The following GPC6 variants were observed in gnomAD, a reference collection of about 807,000 sequenced individuals.
GPC6 encodes glypican-6.
Under a neutral mutation model 55.2 loss-of-function variants are expected in GPC6, and 14 were observed. The ratio of observed to expected loss-of-function variants is 0.25; its 90% CI spans 0.17 to 0.40. GPC6 has a LOEUF of 0.40. GPC6 is among the 10% of genes least tolerant of loss of function. GPC6 has a pLI of 1.00. For synonymous variants in GPC6, 278 were observed against 259.6 expected, an observed-to-expected ratio of 1.07 and a Z score of -0.68; for missense variants, 641 against 708.5, an observed-to-expected ratio of 0.90 and a Z score of 1.08.
At chr13:93,661,812 A>G (rs1490143284) in intron 2 of GPC6, among the ~76,000 whole-genome samples, 1 of 152,178 alleles carries the variant, frequency 6.6e-6, no homozygotes, top group Non-Finnish European at 1.5e-5. Flanking sequence ...CACTTTATAC[A>G]GGCATATAAG....
At position 93,725,492 on chromosome 13, in the gene GPC6, T is replaced by C. The variant is rs545301667; in HGVS notation, c.320-104662T>C. Reference sequence around the variant, plus strand: ...CTTTCTAACCTGCTAAATCTAGTTATTTAGATTATAGAGCTTGAAATAAAA... The same window carrying C: ...CTTTCTAACCTGCTAAATCTAGTTACTTAGATTATAGAGCTTGAAATAAAA... On this transcript the variant is annotated intron_variant, in intron 2 of 8. Transcript: ENST00000377047. Among the ~76,000 whole-genome samples the C allele has an allele frequency of 6.6e-5, 10 of 152,126 alleles. No homozygotes were observed. The South Asian group carries it at 2.1e-3, about 32-fold the overall frequency.
chr13:93,759,646 A>G (rs1218933526), intron 2 of GPC6, among the ~76,000 whole-genome samples: 1 of 152,162 alleles, frequency 6.6e-6, no homozygotes, highest in Non-Finnish European at 1.5e-5. Context: ...GAAAATCCTG[A>G]TTTGATGTGA....
At chr13:93,366,413 T>C (rs1478010413) in intron 1 of GPC6, among the ~76,000 whole-genome samples, 1 of 152,068 alleles carries the variant, frequency 6.6e-6, no homozygotes, top group Non-Finnish European at 1.5e-5. Context: ...TATTAGTTAA[T>C]TAAATGTGTG....
chr13:93,836,386 T>G (rs1467354682), intron 3 of GPC6, among the ~76,000 whole-genome samples: 1 of 152,210 alleles, frequency 6.6e-6, no homozygotes, highest in African/African-American at 2.4e-5. Context: ...CCTGTTGTCA[T>G]TATCACCTGA....
chr13:93,578,794 T>G (rs1314310586), intron 2 of GPC6, among the ~76,000 whole-genome samples: 1 of 152,040 alleles, frequency 6.6e-6, no homozygotes, highest in Non-Finnish European at 1.5e-5. Context: ...ATTTGAAATC[T>G]TTCTACTTTT....
intron 2 of GPC6, among the ~76,000 whole-genome samples, chr13:93,670,493 T>A (rs1450960313): frequency 3.3e-5 from 5 of 152,292 alleles, no homozygotes; most frequent in Middle Eastern, 3.4e-3. Context: ...CAGACAGTTA[T>A]CTCTATGATT....
At chr13:93,369,542 T>G (rs1881377619) in intron 1 of GPC6, among the ~76,000 whole-genome samples, 1 of 152,116 alleles carries the variant, frequency 6.6e-6, no homozygotes, top group African/African-American at 2.4e-5. Flanking sequence ...TAGTCTATTA[T>G]TTTTATTACA....
intron 2 of GPC6, among the ~76,000 whole-genome samples, chr13:93,604,194 A>C (rs1878141674): frequency 6.6e-6 from 1 of 152,196 alleles, no homozygotes; most frequent in South Asian, 2.1e-4. Flanking sequence ...GATTGAAAGG[A>C]CTCAGCTGTT....
intron 3 of GPC6, among the ~76,000 whole-genome samples, chr13:93,920,880 C>G (rs1459790368): frequency 1.3e-5 from 2 of 152,156 alleles, no homozygotes; most frequent in Non-Finnish European, 2.9e-5. Context: ...CCTAACAAAG[C>G]AGAAATTCTT....
chr13:94,306,011 C>G lies in GPC6; in HGVS notation c.1040C>G (p.Ala347Gly). 3 of 1,614,124 alleles carry G rather than the reference C, an allele frequency of 1.9e-6. No individual in the cohort carries two copies. Among genetic ancestry groups the G allele is most frequent in the Non-Finnish European group, 2.5e-6 (3 of 1,179,976 alleles). ...VFQGCGQPKP[A>G]PALRSARSAP... is the part of the protein sequence containing the mutation. ...CAGGGATGTGGTCAGCCCAAACCTGCTCCAGCCCTCAGATCTGCCCGCTCA... is the reference window on the plus strand; with the variant it reads ...CAGGGATGTGGTCAGCCCAAACCTGGTCCAGCCCTCAGATCTGCCCGCTCA... Residue 347 changes from alanine to glycine, a missense_variant, in exon 6 of 9, where the codon GCT becomes GGT. Ala to Gly is a moderately conservative substitution (Grantham distance 60, BLOSUM62 0). Coordinates refer to ENST00000377047, the MANE Select transcript of GPC6 (RefSeq NM_005708.5).
chr13:93,715,169 A>G (rs1275698726), intron 2 of GPC6, among the ~76,000 whole-genome samples: 1 of 151,690 alleles, frequency 6.6e-6, no homozygotes, highest in Non-Finnish European at 1.5e-5. Context: ...TCATATGTTC[A>G]TCACAGCGCT....
At chr13:93,419,199 C>G (rs1876829925) in intron 1 of GPC6, among the ~76,000 whole-genome samples, 1 of 151,114 alleles carries the variant, frequency 6.6e-6, no homozygotes, top group African/African-American at 2.4e-5. Context: ...ATATTCAGGT[C>G]AACATCTGGG....
rs146590223 is a variant in GPC6, at chr13:93,370,638, G to C, written c.160+143022G>C. 2.6e-5 allele frequency among the ~76,000 whole-genome samples: 4 copies of C among 152,228 alleles called. No homozygotes were observed. The East Asian group carries it at 7.7e-4, about 29-fold the overall frequency. ...GTTTGGAATTTGGGCACCTGTTATG[G>C]AGGAAGAGGCTGGTGGGAAGATTGG... On this transcript the variant is annotated intron_variant, in intron 1 of 8. Coordinates refer to ENST00000377047, the MANE Select transcript of GPC6 (RefSeq NM_005708.5).
chr13:93,340,632 G>C (rs1053485009), intron 1 of GPC6, among the ~76,000 whole-genome samples: 1 of 152,154 alleles, frequency 6.6e-6, no homozygotes, highest in African/African-American at 2.4e-5. Flanking sequence ...TTAAGTGGGA[G>C]AGAGCTTGGT....
intron 3 of GPC6, among the ~76,000 whole-genome samples, chr13:93,915,227 T>C (rs1434621913): frequency 1.3e-5 from 2 of 152,216 alleles, no homozygotes; most frequent in Non-Finnish European, 2.9e-5. Flanking sequence ...CTATAAGTTA[T>C]TTTGTTAATT....
In GPC6 at chr13:93,323,669, G is replaced by C. The variant is rs183105079; in HGVS notation, c.160+96053G>C. Among the ~76,000 whole-genome samples the C allele has an allele frequency of 6.6e-5, 10 of 152,192 alleles. 1 individual carries two copies. In the East Asian group the frequency reaches 1.9e-3, roughly 29 times the overall value. On this transcript the variant is annotated intron_variant, in intron 1 of 8. Coordinates refer to ENST00000377047, the MANE Select transcript of GPC6 (RefSeq NM_005708.5). ...GTATGAAGTACCATGATAAATATTTGGGATAAAAAGAGGAGAGCATGGACC... is the reference window on the plus strand; with the variant it reads ...GTATGAAGTACCATGATAAATATTTCGGATAAAAAGAGGAGAGCATGGACC...
At chr13:93,669,787 C>T (rs1881284963) in intron 2 of GPC6, among the ~76,000 whole-genome samples, 1 of 151,698 alleles carries the variant, frequency 6.6e-6, no homozygotes, top group Non-Finnish European at 1.5e-5. Flanking sequence ...GCTGTAGTAT[C>T]ATTTATTCCA....
intron 2 of GPC6, among the ~76,000 whole-genome samples, chr13:93,552,409 T>C (rs1875207140): frequency 6.6e-6 from 1 of 151,784 alleles, no homozygotes; most frequent in African/African-American, 2.4e-5. Flanking sequence ...AGAACCCAGA[T>C]CTTTGTACAA....
chr13:93,870,112 G>A (rs1433748040), intron 3 of GPC6, among the ~76,000 whole-genome samples: 1 of 151,788 alleles, frequency 6.6e-6, no homozygotes, highest in Admixed American at 6.6e-5. Context: ...CTTTCTTAAG[G>A]TTTTGGGACA....
Sources: gnomAD v4.1 joint callset for allele counts (sites outside exome capture counted in the v4.1 genomes callset) on GRCh38, gnomAD v4.1.1 for gene constraint, MANE v1.5 for transcripts, NCBI Gene and HGNC (gene_info 2026-07-23, HGNC 2026-07-21) for gene names.